Variants in TMC7 observed in about 807,000 individuals in gnomAD.
TMC7 encodes transmembrane channel like 7, also known as transmembrane channel-like protein 7.
TMC7 carries 54 observed loss-of-function variants against 82.9 expected under a neutral mutation model. The observed-to-expected ratio is 0.65, with a 90% CI of 0.52 to 0.82. The LOEUF (loss-of-function observed/expected upper bound fraction) is 0.82, where lower values mean the gene tolerates loss of function less well. Ranked by LOEUF, TMC7 falls within the 40% of genes least tolerant of loss-of-function variation. TMC7 has a pLI of 0.00. For synonymous variants in TMC7, 350 were observed against 337.9 expected, an observed-to-expected ratio of 1.04 and a Z score of -0.39; for missense variants, 820 against 901.2, an observed-to-expected ratio of 0.91 and a Z score of 1.15.
In TMC7 at chr16:19,016,599, G is replaced by T; in HGVS notation, c.460+1G>T. 1 of 1,613,054 alleles carries T rather than the reference G, an allele frequency of 6.2e-7. No homozygotes were observed. ...CGGGAGGACATCCGCAGCATAGAAGGTATGCTGTCCTCACCTCTCTGCAGG... is the reference window on the plus strand; with the variant it reads ...CGGGAGGACATCCGCAGCATAGAAGTTATGCTGTCCTCACCTCTCTGCAGG... On this transcript the variant is annotated splice_donor_variant, in intron 3 of 15. Transcript: ENST00000304381. LOFTEE classifies it high-confidence loss of function.
intron 1 of TMC7, among the ~76,000 whole-genome samples, chr16:18,997,729 CTT>C (rs60256405): frequency 0.36 from 42,904 of 119,870 alleles, 6,524 homozygotes; most frequent in Non-Finnish European, 0.39. Flanking sequence ...CAAATCCAGC[CTT>C]TTTTTTTTTT....
chr16:19,014,622 C>T (rs2142189668), intron 2 of TMC7, among the ~76,000 whole-genome samples: 1 of 152,324 alleles, frequency 6.6e-6, no homozygotes, highest in African/African-American at 2.4e-5. Context: ...CTTTCCCCTG[C>T]TCTCCTTACT....
chr16:19,060,923 A>T (rs1052660263), intron 15 of TMC7, among the ~76,000 whole-genome samples: 3 of 151,086 alleles, frequency 2.0e-5, no homozygotes, highest in Non-Finnish European at 4.4e-5. Context: ...AGTAGCTGGG[A>T]TTACAGGCAC....
rs749934716 is a variant in TMC7 at position 19,044,930 on chromosome 16, C to T, written c.1384C>T (p.Leu462=). 4.6e-5 allele frequency: 75 copies of T among 1,613,914 alleles called. No homozygotes were observed. The highest frequency in any genetic ancestry group is 6.0e-5 in the Non-Finnish European group (71 of 1,180,030). ...LATICVLVFT[L]GSKITSCDDD... is the part of the protein sequence containing the mutation. ...CACCATATGTGTCCTGGTGTTCACG[C>T]TGGGCTCCAAGATCACATCCTGTGA... Residue 462 remains leucine, a synonymous_variant, in exon 10 of 16, where the codon CTG becomes TTG. Transcript: ENST00000304381.
chr16:19,001,766 G>C (rs554649273), intron 1 of TMC7, among the ~76,000 whole-genome samples: 11 of 152,314 alleles, frequency 7.2e-5, no homozygotes, highest in African/African-American at 2.4e-4. Flanking sequence ...TGTGGTGTTT[G>C]AAGGAGTGAG....
intron 12 of TMC7, among the ~76,000 whole-genome samples, chr16:19,048,193 C>T (rs1029612869): frequency 3.4e-5 from 5 of 147,146 alleles, no homozygotes; most frequent in African/African-American, 1.3e-4. Flanking sequence ...CCAGGCTGGT[C>T]TTGTACTCCA....
Position 19,042,764 on chromosome 16 carries a change from C to T in TMC7, c.1338-2120C>T, listed in dbSNP as rs528149102. 4.1e-5 allele frequency among the ~76,000 whole-genome samples: 6 copies of T among 144,608 alleles called. No homozygotes were observed. In the East Asian group the frequency reaches 6.1e-4, roughly 15 times the overall value. 94.9% of individuals were successfully genotyped at this position (144,608 alleles called of 152,430 possible). ...TTTTTTTATTTTTATTTTTATTTTT[C>T]GAGACGGAGTCTCGCTCTGTCACCC... is the stretch of plus-strand genomic sequence containing the variant. On this transcript the variant is annotated intron_variant, in intron 9 of 15. Transcript: ENST00000304381.
At chr16:18,984,780 A>G (rs2038814001) in intron 1 of TMC7, among the ~76,000 whole-genome samples, 1 of 152,200 alleles carries the variant, frequency 6.6e-6, no homozygotes, top group East Asian at 1.9e-4. Context: ...ATACAGCTCC[A>G]TGAATTTCTA....
At chr16:19,059,568 C>T in intron 15 of TMC7, 74 bp downstream of exon 15, 4 of 1,613,522 alleles carry the variant, frequency 2.5e-6, no homozygotes, top group Non-Finnish European at 3.4e-6. Context: ...GTGCTGTTTT[C>T]CTGGGAGGGA....
intron 3 of TMC7, among the ~76,000 whole-genome samples, chr16:19,018,890 G>T (rs1959832439): frequency 6.6e-6 from 1 of 152,004 alleles, no homozygotes; most frequent in Non-Finnish European, 1.5e-5. Flanking sequence ...CGCTCTTGTT[G>T]CCCAGGCCGG....
chr16:19,062,799 T>C lies in TMC7; in HGVS notation c.*956T>C, dbSNP rs1010585404. 4.6e-5 allele frequency: 7 copies of C among 152,656 alleles called. No homozygotes were observed. The highest frequency in any genetic ancestry group is 4.6e-4 in the Admixed American group (7 of 15,270). 9.5% of individuals were successfully genotyped at this position (152,656 alleles called of 1,614,324 possible). A position where few individuals can be genotyped will look rare whatever the true frequency, so the allele number is the denominator to read the frequency against. ...TTTTCATTTTAATATCTTTGAAATCTTTTTCAAAGGACTGTAGTTTTGTAA... is the reference window on the plus strand; with the variant it reads ...TTTTCATTTTAATATCTTTGAAATCCTTTTCAAAGGACTGTAGTTTTGTAA... On this transcript the variant is annotated 3_prime_UTR_variant, in exon 16 of 16. Coordinates refer to ENST00000304381, the MANE Select transcript of TMC7 (RefSeq NM_024847.4).
At chr16:19,022,143 T>C (rs147614418) in intron 4 of TMC7, among the ~76,000 whole-genome samples, 18 of 152,242 alleles carry the variant, frequency 1.2e-4, no homozygotes, top group Admixed American at 1.2e-3. Flanking sequence ...AAACACAAGC[T>C]CTACATGTGG....
chr16:19,017,548 G>A (rs778968116), intron 3 of TMC7, among the ~76,000 whole-genome samples: 21 of 151,768 alleles, frequency 1.4e-4, no homozygotes, highest in South Asian at 2.1e-4. Flanking sequence ...CCAGCCAGGT[G>A]GTGGTTCATG....
intron 9 of TMC7, among the ~76,000 whole-genome samples, chr16:19,044,370 C>G (rs760149998): frequency 7.9e-5 from 12 of 151,804 alleles, no homozygotes; most frequent in African/African-American, 2.9e-4. Context: ...TTTGTAGAGA[C>G]GGCCAGGGGG....
intron 1 of TMC7, among the ~76,000 whole-genome samples, chr16:19,004,083 GTGCTTACCTC>G (rs2039191627): frequency 2.0e-5 from 3 of 151,826 alleles, no homozygotes; most frequent in Admixed American, 1.3e-4. Flanking sequence ...GAAGCCCTCT[GTGCTTACCTC>G]TGCAGGTTGG....
At chr16:19,046,097 G>T (rs1042588464) in intron 11 of TMC7, among the ~76,000 whole-genome samples, 15 of 152,306 alleles carry the variant, frequency 9.8e-5, no homozygotes, top group Admixed American at 3.3e-4. Context: ...TCTAAAGGCA[G>T]CATGAAGAGC....
At chr16:19,038,452 C>T (rs1193390828) in intron 8 of TMC7, among the ~76,000 whole-genome samples, 1 of 152,156 alleles carries the variant, frequency 6.6e-6, no homozygotes, top group Non-Finnish European at 1.5e-5. Context: ...GCCTCCACCT[C>T]CCAAAGTGCT....
At chr16:19,020,647 C>T (rs1322269009) in intron 3 of TMC7, among the ~76,000 whole-genome samples, 1 of 151,680 alleles carries the variant, frequency 6.6e-6, no homozygotes, top group Non-Finnish European at 1.5e-5. Context: ...GCAGGTGGAT[C>T]ACCTGAGGTC....
chr16:18,988,205 A>AAT (rs1685730093), intron 1 of TMC7, among the ~76,000 whole-genome samples: 2 of 135,544 alleles, frequency 1.5e-5, no homozygotes, highest in Non-Finnish European at 3.1e-5. Context: ...CCCAGGCTGG[A>AAT]GTGCAATGGT....
Sources: gnomAD v4.1 joint callset for allele counts (sites outside exome capture counted in the v4.1 genomes callset) on GRCh38, gnomAD v4.1.1 for gene constraint, MANE v1.5 for transcripts, NCBI Gene and HGNC (gene_info 2026-07-23, HGNC 2026-07-21) for gene names.